SLC9A7: variants seen among roughly 807,000 people sequenced by gnomAD.
The protein encoded by SLC9A7 is sodium/hydrogen exchanger 7.
A neutral mutation model predicts 52.6 loss-of-function variants in SLC9A7; 19 were observed. The observed-to-expected ratio is 0.36, with a 90% confidence interval of 0.25 to 0.53. The LOEUF (loss-of-function observed/expected upper bound fraction) is 0.53, where lower values mean the gene tolerates loss of function less well. SLC9A7 is among the 20% of genes least tolerant of loss of function. The probability of loss-of-function intolerance (pLI) is 0.91; values close to 1 mark genes in which losing one functional copy is unlikely to be tolerated. For missense variants in SLC9A7, 455 were observed against 597.9 expected (o/e 0.76, Z 2.49); for synonymous variants, 226 against 252.1 (o/e 0.90, Z 0.98).
At chrX:46,646,720 A>G in intron 11 of SLC9A7, 1 of 294,668 alleles carries the variant, frequency 3.4e-6, no homozygotes, top group Non-Finnish European at 6.7e-6. Context: ...CAACGAGAAT[A>G]GCAGTCAGCA....
At chrX:46,688,666 TCATAC>T (rs1353956967) in intron 1 of SLC9A7, among the ~76,000 whole-genome samples, 1 of 110,552 alleles carries the variant, frequency 9.0e-6, no homozygotes, top group Admixed American at 9.6e-5. Context: ...TGTCTTATGA[TCATAC>T]CTGTTTTAGA....
chrX:46,710,475 G>A (rs368037859), intron 1 of SLC9A7, among the ~76,000 whole-genome samples: 1 of 111,886 alleles, frequency 8.9e-6, no homozygotes, highest in East Asian at 2.8e-4. Context: ...CAAATTGAGG[G>A]AGTAAACCAG....
rs1469893176 is a variant in SLC9A7, at chrX:46,599,713, C to CAGTT, written c.*7235_*7238dup. 8 of 111,508 alleles carry CAGTT rather than the reference C, an allele frequency of 7.2e-5. No individual in the cohort carries two copies. In the East Asian group the frequency reaches 8.4e-4, roughly 12 times the overall value. The allele number at this position is 111,508 out of a possible 1,213,427, so 9.2% of individuals were successfully genotyped here. The stretch of plus-strand genomic sequence containing the variant: ...ATAACGCCAAGTCTTTAATTTTTCA[C>CAGTT]AGTTATACTTTAATGTCATTTTATA... On this transcript the variant is annotated 3_prime_UTR_variant, in exon 17 of 17. Transcript: ENST00000616978.
At chrX:46,626,114 C>A (rs1171797665) in intron 14 of SLC9A7, among the ~76,000 whole-genome samples, 1 of 111,515 alleles carries the variant, frequency 9.0e-6, no homozygotes, top group Non-Finnish European at 1.9e-5. Flanking sequence ...CAAGACCAGC[C>A]CCAACATGGT....
intron 1 of SLC9A7, among the ~76,000 whole-genome samples, chrX:46,720,673 A>G (rs928291600): frequency 9.0e-6 from 1 of 111,060 alleles, no homozygotes; most frequent in African/African-American, 3.3e-5. Context: ...GCCCCTACAC[A>G]TAAACACTCA....
At chrX:46,756,829 A>C (rs1220620532) in intron 1 of SLC9A7, among the ~76,000 whole-genome samples, 1 of 112,342 alleles carries the variant, frequency 8.9e-6, no homozygotes, top group Non-Finnish European at 1.9e-5. Context: ...AAAATAAAAC[A>C]GTACACTGTA....
chrX:46,639,387 T>C (rs1943370353), intron 12 of SLC9A7, among the ~76,000 whole-genome samples: 1 of 108,072 alleles, frequency 9.3e-6, no homozygotes, highest in Admixed American at 9.9e-5. Flanking sequence ...GTTCACGCCA[T>C]TCTCCCGCCT....
At chrX:46,678,721 T>G (rs1250992833) in intron 3 of SLC9A7, among the ~76,000 whole-genome samples, 1 of 111,031 alleles carries the variant, frequency 9.0e-6, no homozygotes, top group African/African-American at 3.3e-5. Context: ...CCCTCAGTAA[T>G]AAGGATACTT....
Position 46,604,429 on chromosome X carries a change from A to G in SLC9A7, c.*2523T>C, listed in dbSNP as rs1942708964. 9.4e-6 allele frequency: 1 copy of G among 106,682 alleles called. No homozygotes were observed. The highest frequency in any genetic ancestry group is 1.9e-5 in the Non-Finnish European group (1 of 52,439). The allele number at this position is 106,682 out of a possible 1,213,427, so 8.8% of individuals were successfully genotyped here. On this transcript the variant is annotated 3_prime_UTR_variant, in exon 17 of 17. Transcript: ENST00000616978. ...GAAAGAGGAGAATAAAAATCATTCA[A>G]CTGTATTTTTTTTTTTTTTTTGAGG...
At position 46,663,832 on chromosome X, in the gene SLC9A7, G is replaced by A. The variant is rs776519775; in HGVS notation, c.794-1189C>T. Among the ~76,000 whole-genome samples, 14 of 109,700 alleles carry A rather than the reference G, an allele frequency of 1.3e-4. No homozygotes were observed. The East Asian group carries it at 3.7e-3, about 29-fold the overall frequency. On this transcript the variant is annotated intron_variant, in intron 5 of 16. Coordinates refer to ENST00000616978, the MANE Select transcript of SLC9A7 (RefSeq NM_001257291.2). Reference sequence around the variant, plus strand: ...AAATTAGCCGGGTGTGGTGGCAGGCGCCTGTAATCCCAGCTACTCCAGAGG... The same window carrying A: ...AAATTAGCCGGGTGTGGTGGCAGGCACCTGTAATCCCAGCTACTCCAGAGG...
intron 1 of SLC9A7, among the ~76,000 whole-genome samples, chrX:46,731,858 A>C (rs1945046881): frequency 8.9e-6 from 1 of 111,932 alleles, no homozygotes; most frequent in African/African-American, 3.2e-5. Context: ...TCACAGAAAA[A>C]AAAATACGAA....
intron 14 of SLC9A7, among the ~76,000 whole-genome samples, chrX:46,622,094 T>C (rs1011586576): frequency 8.9e-6 from 1 of 112,281 alleles, no homozygotes; most frequent in Non-Finnish European, 1.9e-5. Context: ...GCACTATTTA[T>C]TAATACACTC....
At chrX:46,661,219 T>G in intron 7 of SLC9A7, among the ~76,000 whole-genome samples, 1 of 105,591 alleles carries the variant, frequency 9.5e-6, no homozygotes. Context: ...CTGGGGACTG[T>G]TGTGGGGTGG....
intron 1 of SLC9A7, among the ~76,000 whole-genome samples, chrX:46,710,626 A>AAG (rs892548471): frequency 4.6e-4 from 51 of 110,016 alleles, no homozygotes; most frequent in South Asian, 3.9e-3. Flanking sequence ...TGGGAAAAAA[A>AAG]AGAGAGAGAG....
rs1942722694 is a variant in SLC9A7 at position 46,605,163 on chromosome X, C to G, written c.*1789G>C. Reference sequence around the variant, plus strand: ...CCGAGATCGCGCCACTGCACTCCAGCCTGGGTGACACAGCGAGACTCCATC... The same window carrying G: ...CCGAGATCGCGCCACTGCACTCCAGGCTGGGTGACACAGCGAGACTCCATC... On this transcript the variant is annotated 3_prime_UTR_variant, in exon 17 of 17. Coordinates refer to ENST00000616978, the MANE Select transcript of SLC9A7 (RefSeq NM_001257291.2). 1.0e-5 allele frequency: 1 copy of G among 100,076 alleles called. No individual in the cohort carries two copies. The highest frequency in any genetic ancestry group is 3.8e-5 in the African/African-American group (1 of 26,424). The allele number at this position is 100,076 out of a possible 1,213,427, so 8.2% of individuals were successfully genotyped here.
At position 46,758,896 on chromosome X, in the gene SLC9A7, C is replaced by A; in HGVS notation, c.134G>T (p.Gly45Val). 8.5e-7 allele frequency: 1 copy of A among 1,180,287 alleles called. No individual in the cohort carries two copies. Among genetic ancestry groups the A allele is most frequent in the East Asian group, 3.2e-5 (1 of 31,006 alleles). The stretch of plus-strand genomic sequence containing the variant: ...GGCGCTGCTGTCCTCCGCCGCCGCC[C>A]CAGAGGAGGAGGCCGAGGCCGCGGC... ...VAAAASASSS[G>V]AAAEDSSAME... The change falls in exon 1 of 17, where the codon GGG becomes GTG. Residue 45 changes from glycine (G) to valine (V), a missense_variant. This residue lies in a region of SLC9A7 where 304 missense variants were observed against 417.8 expected (regional missense o/e 0.73). Transcript: ENST00000616978.
At chrX:46,636,432 A>C (rs61306333) in intron 12 of SLC9A7, among the ~76,000 whole-genome samples, 3,529 of 110,477 alleles carry the variant, frequency 0.032, 143 homozygotes, top group African/African-American at 0.11. Context: ...CACCCACAAG[A>C]TACTAGTAGC....
At chrX:46,622,522 A>T (rs1046881852) in intron 14 of SLC9A7, among the ~76,000 whole-genome samples, 1 of 111,987 alleles carries the variant, frequency 8.9e-6, no homozygotes, top group African/African-American at 3.2e-5. Context: ...AACGATAAAC[A>T]TCATCAGGAA....
At chrX:46,679,028 C>T (rs900122327) in intron 3 of SLC9A7, among the ~76,000 whole-genome samples, 1 of 111,341 alleles carries the variant, frequency 9.0e-6, no homozygotes, top group Non-Finnish European at 1.9e-5. Context: ...GCACCCCCAC[C>T]CCAATGCCCC....
Sources: gnomAD v4.1 joint callset for allele counts (sites outside exome capture counted in the v4.1 genomes callset) on GRCh38, gnomAD v4.1.1 for gene constraint, gnomAD v4.1.1 regional missense constraint, MANE v1.5 for transcripts, NCBI Gene and HGNC (gene_info 2026-07-23, HGNC 2026-07-21) for gene names.